ATRNL1: variants seen among roughly 807,000 people sequenced by gnomAD.
The protein encoded by ATRNL1 is attractin like 1, also known as attractin-like protein 1.
In ATRNL1, 95 loss-of-function variants were observed where a neutral mutation model predicts 182.7. That is an observed-to-expected ratio of 0.52 (90% CI 0.44 to 0.62). The LOEUF (loss-of-function observed/expected upper bound fraction) is 0.62. Among genes scored for constraint, ATRNL1 ranks in the 20% least tolerant of loss-of-function variants. The pLI is 0.00. For synonymous variants in ATRNL1, 576 were observed against 568.3 expected (o/e 1.01, Z -0.19); for missense variants, 1,471 against 1,679.5 (o/e 0.88, Z 2.17).
At chr10:115,267,986 C>T (rs977958194) in intron 12 of ATRNL1, among the ~76,000 whole-genome samples, 5 of 152,004 alleles carry the variant, frequency 3.3e-5, no homozygotes, top group Non-Finnish European at 5.9e-5. Context: ...GTCTTGAACT[C>T]CTGACCTCAA....
At chr10:115,294,098 T>G (rs2133958773) in intron 15 of ATRNL1, among the ~76,000 whole-genome samples, 1 of 152,352 alleles carries the variant, frequency 6.6e-6, no homozygotes, top group South Asian at 2.1e-4. Flanking sequence ...TACAAATAGG[T>G]TTTCACTAAA....
At chr10:115,866,600 T>C (rs1951444888) in intron 28 of ATRNL1, among the ~76,000 whole-genome samples, 1 of 152,220 alleles carries the variant, frequency 6.6e-6, no homozygotes, top group South Asian at 2.1e-4. Flanking sequence ...TTTTTGTGTC[T>C]ACTCTACAGT....
chr10:115,832,900 G>T (rs1950590205), intron 27 of ATRNL1, among the ~76,000 whole-genome samples: 1 of 152,128 alleles, frequency 6.6e-6, no homozygotes, highest in Non-Finnish European at 1.5e-5. Context: ...ATTGTAGAAA[G>T]ATCTATGGTG....
intron 8 of ATRNL1, among the ~76,000 whole-genome samples, chr10:115,198,372 G>A (rs116425121): frequency 0.012 from 1,791 of 152,056 alleles, 33 homozygotes; most frequent in African/African-American, 0.04. Flanking sequence ...TTGTTTTCTT[G>A]CTGTTAAGTT....
intron 26 of ATRNL1, among the ~76,000 whole-genome samples, chr10:115,618,516 T>C (rs969362360): frequency 1.3e-5 from 2 of 152,120 alleles, no homozygotes; most frequent in African/African-American, 4.8e-5. Context: ...TTTACAATTT[T>C]TTTTTTCCTT....
At chr10:115,344,571 A>G (rs1554939232) in intron 19 of ATRNL1, among the ~76,000 whole-genome samples, 1 of 152,112 alleles carries the variant, frequency 6.6e-6, no homozygotes, top group African/African-American at 2.4e-5. Flanking sequence ...AGTGCCATCC[A>G]AGAGTTAAGT....
chr10:115,574,714 C>A (rs192979834), intron 26 of ATRNL1, among the ~76,000 whole-genome samples: 1 of 152,144 alleles, frequency 6.6e-6, no homozygotes, highest in Admixed American at 6.5e-5. Flanking sequence ...ATTCTCTGGC[C>A]ATTGCTGATA....
At position 115,229,574 on chromosome 10, in the gene ATRNL1, A is replaced by T. The variant is rs558787950; in HGVS notation, c.1533-11997A>T. 5.9e-5 allele frequency among the ~76,000 whole-genome samples: 9 copies of T among 152,196 alleles called. No individual in the cohort carries two copies. The East Asian group carries it at 1.7e-3, about 29-fold the overall frequency. On this transcript the variant is annotated intron_variant, in intron 9 of 28. Transcript: ENST00000355044. ...ATTTTATATATTTATGAGGGAAATA[A>T]TAGAAATATATACGCACACAAGCAC...
intron 9 of ATRNL1, among the ~76,000 whole-genome samples, chr10:115,216,653 C>G (rs1394343916): frequency 3.3e-5 from 5 of 151,006 alleles, no homozygotes; most frequent in African/African-American, 4.9e-5. Flanking sequence ...AATTTTTGTT[C>G]TAATTTTTCT....
intron 1 of ATRNL1, among the ~76,000 whole-genome samples, chr10:115,098,124 TAC>T (rs1291381230): frequency 2.6e-5 from 4 of 152,318 alleles, no homozygotes; most frequent in South Asian, 2.1e-4. Context: ...GGATTATTTT[TAC>T]ATTATTAAAG....
At chr10:115,344,141 G>C (rs1384513816) in intron 19 of ATRNL1, among the ~76,000 whole-genome samples, 1 of 152,130 alleles carries the variant, frequency 6.6e-6, no homozygotes, top group Non-Finnish European at 1.5e-5. Context: ...GTTACTGCCT[G>C]TGTTCGCCTA....
intron 28 of ATRNL1, among the ~76,000 whole-genome samples, chr10:115,920,199 C>T (rs1278081451): frequency 3.3e-5 from 5 of 152,182 alleles, no homozygotes; most frequent in Admixed American, 1.3e-4. Context: ...ATGTTAGACT[C>T]GTGGTTTTGT....
chr10:115,715,021 T>G (rs1490721158), intron 26 of ATRNL1, among the ~76,000 whole-genome samples: 1 of 152,074 alleles, frequency 6.6e-6, no homozygotes, highest in Non-Finnish European at 1.5e-5. Flanking sequence ...CGCTGCAAAG[T>G]TTTTGGGAGC....
At chr10:115,765,361 T>G (rs1447606357) in intron 27 of ATRNL1, among the ~76,000 whole-genome samples, 1 of 152,186 alleles carries the variant, frequency 6.6e-6, no homozygotes, top group Admixed American at 6.5e-5. Flanking sequence ...TTTGGTCAGT[T>G]TAAGAGATGT....
intron 27 of ATRNL1, among the ~76,000 whole-genome samples, chr10:115,740,195 T>G (rs2490719): frequency 0.16 from 24,337 of 152,212 alleles, 2,239 homozygotes; most frequent in Non-Finnish European, 0.2. Flanking sequence ...GTATTAAATA[T>G]GCAAATTTAC....
intron 24 of ATRNL1, among the ~76,000 whole-genome samples, chr10:115,505,043 A>T (rs1485078419): frequency 2.6e-5 from 4 of 152,166 alleles, no homozygotes; most frequent in Non-Finnish European, 5.9e-5. Context: ...TGAAAATCAA[A>T]TTACAAAATT....
At chr10:115,659,235 G>A (rs2133899663) in intron 26 of ATRNL1, among the ~76,000 whole-genome samples, 1 of 152,060 alleles carries the variant, frequency 6.6e-6, no homozygotes, top group South Asian at 2.1e-4. Context: ...ACCCAATATA[G>A]TTTCCCTGCA....
At chr10:115,587,695 G>C (rs1309513037) in intron 26 of ATRNL1, among the ~76,000 whole-genome samples, 1 of 152,088 alleles carries the variant, frequency 6.6e-6, no homozygotes, top group Admixed American at 6.5e-5. Context: ...TACCTCAGAT[G>C]GAAATGCAGA....
At chr10:115,295,367 T>A (rs1339655333) in intron 15 of ATRNL1, among the ~76,000 whole-genome samples, 1 of 152,088 alleles carries the variant, frequency 6.6e-6, no homozygotes, top group East Asian at 1.9e-4. Context: ...TTATATGGCT[T>A]TCTGGCGAGC....
Sources: gnomAD v4.1 joint callset for allele counts (sites outside exome capture counted in the v4.1 genomes callset) on GRCh38, gnomAD v4.1.1 for gene constraint, MANE v1.5 for transcripts, NCBI Gene and HGNC (gene_info 2026-07-23, HGNC 2026-07-21) for gene names.